CNBD1: variants seen among roughly 807,000 people sequenced by gnomAD.
CNBD1 encodes cyclic nucleotide-binding domain-containing protein 1.
In CNBD1, 71 loss-of-function variants were observed where a neutral mutation model predicts 54.4. That is an observed-to-expected ratio of 1.30 (90% CI 1.08 to 1.59). The LOEUF is 1.59. Among genes scored for constraint, CNBD1 ranks in the 40% most tolerant of loss-of-function variants. The pLI is 0.00. For missense variants in CNBD1, 659 were observed against 518.0 expected (o/e 1.27, Z -2.64); for synonymous variants, 182 against 170.7 (o/e 1.07, Z -0.51).
At chr8:87,028,798 G>A (rs1809711723) in intron 4 of CNBD1, among the ~76,000 whole-genome samples, 1 of 152,174 alleles carries the variant, frequency 6.6e-6, no homozygotes, top group South Asian at 2.1e-4. Flanking sequence ...TAAAACAAAT[G>A]TAAGTTTCAA....
At chr8:87,017,084 A>C (rs926390633) in intron 4 of CNBD1, among the ~76,000 whole-genome samples, 3 of 152,194 alleles carry the variant, frequency 2.0e-5, no homozygotes, top group African/African-American at 7.2e-5. Flanking sequence ...GGTCATACAG[A>C]TGCAACCCCC....
intron 8 of CNBD1, among the ~76,000 whole-genome samples, chr8:87,297,492 T>A (rs1243953913): frequency 2.0e-5 from 3 of 152,162 alleles, no homozygotes; most frequent in Non-Finnish European, 4.4e-5. Flanking sequence ...ATAACAGATA[T>A]ACGATATGAA....
At chr8:87,419,099 G>A (rs1204692389) in intron 2 of CNBD1, among the ~76,000 whole-genome samples, 18 of 100,892 alleles carry the variant, frequency 1.8e-4, no homozygotes, top group Admixed American at 1.5e-3. Flanking sequence ...CATATTATAT[G>A]TATATATATA....
Position 87,382,009 on chromosome 8 carries a change from C to T in CNBD1, c.1304-611C>T, listed in dbSNP as rs1446537634. 3.3e-5 allele frequency among the ~76,000 whole-genome samples: 5 copies of T among 151,426 alleles called. No individual in the cohort carries two copies. The South Asian group carries it at 6.3e-4, about 19-fold the overall frequency. ...GTATATCTCATGTTAAGTGTTCTTA[C>T]CATGATAATATAACATTTTAAAAAA... is the stretch of plus-strand genomic sequence containing the variant. On this transcript the variant is annotated intron_variant, in intron 10 of 10. Coordinates refer to ENST00000518476, the MANE Select transcript of CNBD1 (RefSeq NM_173538.3).
chr8:87,287,730 T>A (rs1808723643), intron 8 of CNBD1, among the ~76,000 whole-genome samples: 1 of 152,068 alleles, frequency 6.6e-6, no homozygotes, highest in African/African-American at 2.4e-5. Context: ...AAAGTAAATA[T>A]CATTAGAGGC....
At chr8:87,237,695 T>C (rs1413607827) in intron 6 of CNBD1, among the ~76,000 whole-genome samples, 2 of 152,136 alleles carry the variant, frequency 1.3e-5, no homozygotes, top group African/African-American at 4.8e-5. Flanking sequence ...GAATTGTGGC[T>C]GATAGTCAGT....
At chr8:87,245,154 ATGTAGT>A (rs1456114669) in intron 6 of CNBD1, among the ~76,000 whole-genome samples, 1 of 152,036 alleles carries the variant, frequency 6.6e-6, no homozygotes, top group Non-Finnish European at 1.5e-5. Context: ...TCATCACAAC[ATGTAGT>A]TGCCTTTTGT....
chr8:87,126,710 G>A (rs1811996892), intron 4 of CNBD1, among the ~76,000 whole-genome samples: 1 of 151,540 alleles, frequency 6.6e-6, no homozygotes, highest in Non-Finnish European at 1.5e-5. Flanking sequence ...AGCAATTTTT[G>A]CCTAACTCAA....
At chr8:87,190,507 T>C (rs1813578960) in intron 4 of CNBD1, among the ~76,000 whole-genome samples, 1 of 152,172 alleles carries the variant, frequency 6.6e-6, no homozygotes, top group African/African-American at 2.4e-5. Flanking sequence ...TACTACCCTC[T>C]TTCGCTCCGA....
chr8:87,111,620 G>C (rs1184705688), intron 4 of CNBD1, among the ~76,000 whole-genome samples: 1 of 152,114 alleles, frequency 6.6e-6, no homozygotes, highest in Non-Finnish European at 1.5e-5. Flanking sequence ...AACTGGGAAA[G>C]GGATTGACTT....
At chr8:87,025,348 TC>T (rs1809617192) in intron 4 of CNBD1, among the ~76,000 whole-genome samples, 2 of 152,170 alleles carry the variant, frequency 1.3e-5, no homozygotes, top group Non-Finnish European at 2.9e-5. Flanking sequence ...CTTTTGCTTT[TC>T]ACAATAAATC....
chr8:86,998,747 T>G (rs1196104170), intron 4 of CNBD1, among the ~76,000 whole-genome samples: 1 of 152,162 alleles, frequency 6.6e-6, no homozygotes, highest in African/African-American at 2.4e-5. Flanking sequence ...AAATACATGT[T>G]TTTCGAATTG....
At position 87,060,028 on chromosome 8, in the gene CNBD1, G is replaced by A. The variant is rs111491673; in HGVS notation, c.431+120274G>A. Among the ~76,000 whole-genome samples the A allele has an allele frequency of 7.0e-3, 1,066 of 152,322 alleles. 10 individuals carry two copies. The highest frequency in any genetic ancestry group is 0.025 in the South Asian group (120 of 4,830). The stretch of plus-strand genomic sequence containing the variant: ...CAGCATCTGGACCCTCTGCCCTGGG[G>A]TGACTCCTCCCAAGAATAGTTCCTG... On this transcript the variant is annotated intron_variant, in intron 4 of 10. Coordinates refer to ENST00000518476, the MANE Select transcript of CNBD1 (RefSeq NM_173538.3).
intron 3 of CNBD1, among the ~76,000 whole-genome samples, chr8:86,915,171 A>G (rs1809163722): frequency 6.6e-6 from 1 of 152,086 alleles, no homozygotes; most frequent in South Asian, 2.1e-4. Context: ...AACCATAGGA[A>G]TGTGGGAAAT....
At chr8:87,077,779 G>T (rs111942851) in intron 4 of CNBD1, among the ~76,000 whole-genome samples, 2 of 152,136 alleles carry the variant, frequency 1.3e-5, no homozygotes, top group African/African-American at 4.8e-5. Flanking sequence ...AGTATTCCAT[G>T]ATGTATATAT....
chr8:87,387,754 A>T (rs1811220724), downstream of CNBD1, among the ~76,000 whole-genome samples: 1 of 152,208 alleles, frequency 6.6e-6, no homozygotes, highest in Non-Finnish European at 1.5e-5. Context: ...CACCAAGAGG[A>T]CCTAATAGAC....
intron 8 of CNBD1, among the ~76,000 whole-genome samples, chr8:87,292,481 G>A (rs1177794485): frequency 6.6e-6 from 1 of 152,126 alleles, no homozygotes; most frequent in Admixed American, 6.6e-5. Context: ...TACATGGGGT[G>A]TGAGAAATGG....
chr8:86,999,090 A>G (rs1808940183), intron 4 of CNBD1, among the ~76,000 whole-genome samples: 1 of 152,226 alleles, frequency 6.6e-6, no homozygotes, highest in Non-Finnish European at 1.5e-5. Flanking sequence ...AACTTTCTGA[A>G]CATTCTGAGT....
chr8:87,187,228 C>T (rs1813499202), intron 4 of CNBD1, among the ~76,000 whole-genome samples: 2 of 151,886 alleles, frequency 1.3e-5, no homozygotes, highest in African/African-American at 4.8e-5. Context: ...AATATTAAAA[C>T]ATAGCTATAT....
Sources: gnomAD v4.1 joint callset for allele counts (sites outside exome capture counted in the v4.1 genomes callset) on GRCh38, gnomAD v4.1.1 for gene constraint, MANE v1.5 for transcripts, NCBI Gene and HGNC (gene_info 2026-07-23, HGNC 2026-07-21) for gene names.